Variants in JAKMIP2 observed in about 807,000 individuals in gnomAD.
JAKMIP2 encodes janus kinase and microtubule-interacting protein 2.
In JAKMIP2, 25 loss-of-function variants were observed where a neutral mutation model predicts 115.0. The observed-to-expected ratio is 0.22, with a 90% CI of 0.16 to 0.30. JAKMIP2 has a LOEUF of 0.30. Ranked by LOEUF, JAKMIP2 falls within the 10% of genes least tolerant of loss-of-function variation. The probability of loss-of-function intolerance (pLI) is 1.00; values close to 1 mark genes in which losing one functional copy is unlikely to be tolerated. For synonymous variants in JAKMIP2, 334 were observed against 343.6 expected, an observed-to-expected ratio of 0.97 and a Z score of 0.31; for missense variants, 642 against 957.6, an observed-to-expected ratio of 0.67 and a Z score of 4.35.
chr5:147,665,050 C>A (rs941410207), intron 2 of JAKMIP2, among the ~76,000 whole-genome samples: 6 of 152,114 alleles, frequency 3.9e-5, no homozygotes, highest in African/African-American at 1.4e-4. Context: ...CTTGGTGCTT[C>A]AATAAGGACA....
In JAKMIP2 at chr5:147,586,052, G is replaced by A. The variant is rs1754857342; in HGVS notation, c.*5655C>T. The A allele has an allele frequency of 6.6e-6, 1 of 151,854 alleles. No homozygotes were observed. Among genetic ancestry groups the A allele is most frequent in the South Asian group, 2.1e-4 (1 of 4,828 alleles). The allele number at this position is 151,854 out of a possible 1,614,324, so 9.4% of individuals were successfully genotyped here. A position where few individuals can be genotyped will look rare whatever the true frequency, so the allele number is the denominator to read the frequency against. On this transcript the variant is annotated 3_prime_UTR_variant, in exon 22 of 22. Coordinates refer to ENST00000616793, the MANE Select transcript of JAKMIP2 (RefSeq NM_001270941.2). ...TGGGCCTGGATAATTGAAAAACCGAGTGGTCTCTGCCTCAGTCAACAATTG... is the reference window on the plus strand; with the variant it reads ...TGGGCCTGGATAATTGAAAAACCGAATGGTCTCTGCCTCAGTCAACAATTG...
chr5:147,663,705 G>T (rs1013463778), intron 2 of JAKMIP2, among the ~76,000 whole-genome samples: 34 of 152,282 alleles, frequency 2.2e-4, no homozygotes, highest in African/African-American at 6.7e-4. Context: ...AGTATTTTGT[G>T]AACAGTTTAT....
chr5:147,600,666 G>A (rs1026312877), intron 21 of JAKMIP2, among the ~76,000 whole-genome samples: 7 of 151,968 alleles, frequency 4.6e-5, no homozygotes, highest in Non-Finnish European at 8.8e-5. Context: ...ATCACATAGC[G>A]TGCTTGTTAA....
At chr5:147,782,011 A>T (rs1755776713) in intron 1 of JAKMIP2, among the ~76,000 whole-genome samples, 1 of 152,202 alleles carries the variant, frequency 6.6e-6, no homozygotes, top group African/African-American at 2.4e-5. Flanking sequence ...GCAATCAATA[A>T]AATAAGCAAA....
chr5:147,671,699 C>T lies in JAKMIP2; in HGVS notation c.108G>A (p.Glu36=), dbSNP rs745785749. The T allele has an allele frequency of 1.3e-6, 2 of 1,549,100 alleles. No individual in the cohort carries two copies. Among genetic ancestry groups the T allele is most frequent in the Admixed American group, 1.9e-5 (1 of 52,960 alleles). Reference sequence around the variant, plus strand: ...TCACCTTGGACTTCTCTTGATGCAGCTCTATCTGAATGTCTGTGAGCTTGG... The same window carrying T: ...TCACCTTGGACTTCTCTTGATGCAGTTCTATCTGAATGTCTGTGAGCTTGG... The part of the protein sequence containing the change: ...LRTKLTDIQI[E]LHQEKSKVSK... Residue 36 remains glutamate (E), a synonymous_variant, in exon 2 of 22, where the codon GAG becomes GAA. Coordinates refer to ENST00000616793, the MANE Select transcript of JAKMIP2 (RefSeq NM_001270941.2).
rs368011267 is a variant in JAKMIP2, at chr5:147,721,498, G to C, written c.-148-49544C>G. 4.7e-3 allele frequency among the ~76,000 whole-genome samples: 709 copies of C among 152,206 alleles called. 14 individuals are homozygous for C. The highest frequency in any genetic ancestry group is 0.014 in the African/African-American group (599 of 41,538). On this transcript the variant is annotated intron_variant, in intron 1 of 21. Coordinates refer to ENST00000616793, the MANE Select transcript of JAKMIP2 (RefSeq NM_001270941.2). ...TCAGACTGCTGTGCTAGCAATCAGCGAGACTCCGTGGGCGTAGGACCCTCC... is the reference window on the plus strand; with the variant it reads ...TCAGACTGCTGTGCTAGCAATCAGCCAGACTCCGTGGGCGTAGGACCCTCC...
intron 1 of JAKMIP2, among the ~76,000 whole-genome samples, chr5:147,770,586 A>G (rs1455200530): frequency 6.6e-6 from 1 of 152,160 alleles, no homozygotes; most frequent in Admixed American, 6.6e-5. Flanking sequence ...ATAAGACCAC[A>G]GAAACTATAT....
At chr5:147,729,525 G>A (rs1473212411) in intron 1 of JAKMIP2, among the ~76,000 whole-genome samples, 1 of 152,088 alleles carries the variant, frequency 6.6e-6, no homozygotes, top group East Asian at 1.9e-4. Context: ...TGTAATCCCA[G>A]CATTTTGGGA....
chr5:147,626,455 C>T (rs1289503821), intron 16 of JAKMIP2, among the ~76,000 whole-genome samples: 1 of 152,172 alleles, frequency 6.6e-6, no homozygotes, highest in Non-Finnish European at 1.5e-5. Context: ...TGGTGCAAGA[C>T]GTAAGATCAT....
intron 12 of JAKMIP2, among the ~76,000 whole-genome samples, chr5:147,634,494 A>G (rs1340723986): frequency 6.6e-6 from 1 of 152,200 alleles, no homozygotes; most frequent in Non-Finnish European, 1.5e-5. Flanking sequence ...TTAACTTAAC[A>G]TTATAAAGGA....
chr5:147,711,145 A>G (rs1752763986), intron 1 of JAKMIP2, among the ~76,000 whole-genome samples: 1 of 152,184 alleles, frequency 6.6e-6, no homozygotes, highest in South Asian at 2.1e-4. Context: ...CTTAATGGCA[A>G]AAGCAAATAT....
At position 147,639,489 on chromosome 5, in the gene JAKMIP2, C is replaced by G. The variant is rs1757779227; in HGVS notation, c.1530+143G>C. The stretch of plus-strand genomic sequence containing the variant: ...TGTTTCTAGAGTCAAGGTTTGTTGA[C>G]ATAAAAGCTATAACAATTCAAAAGC... On this transcript the variant is annotated intron_variant, in intron 10 of 21. Transcript: ENST00000616793. 4 of 923,654 alleles carry G rather than the reference C, an allele frequency of 4.3e-6. No individual in the cohort carries two copies. In the South Asian group the frequency reaches 1.0e-4, roughly 23 times the overall value. The allele number at this position is 923,654 out of a possible 1,614,324, so 57.2% of individuals were successfully genotyped here.
intron 7 of JAKMIP2, among the ~76,000 whole-genome samples, chr5:147,643,701 T>C (rs537851858): frequency 1.3e-5 from 2 of 152,334 alleles, no homozygotes; most frequent in Non-Finnish European, 2.9e-5. Flanking sequence ...GTGATGTTGT[T>C]AGCATAGACA....
intron 1 of JAKMIP2, among the ~76,000 whole-genome samples, chr5:147,747,666 A>G (rs1176508635): frequency 6.6e-6 from 1 of 152,156 alleles, no homozygotes; most frequent in Non-Finnish European, 1.5e-5. Context: ...TCCACTCAGA[A>G]TCAGTAAGAA....
At chr5:147,623,042 C>T (rs1756923583) in intron 17 of JAKMIP2, among the ~76,000 whole-genome samples, 2 of 151,976 alleles carry the variant, frequency 1.3e-5, no homozygotes, top group Non-Finnish European at 2.9e-5. Flanking sequence ...TGCCTCAGCC[C>T]CCTGAGTAGC....
intron 21 of JAKMIP2, among the ~76,000 whole-genome samples, chr5:147,592,023 A>G (rs1755122246): frequency 6.6e-6 from 1 of 152,180 alleles, no homozygotes; most frequent in South Asian, 2.1e-4. Context: ...ATCATGCCCC[A>G]ACATATCCAT....
chr5:147,652,859 T>G (rs755298478), intron 3 of JAKMIP2, among the ~76,000 whole-genome samples: 18 of 152,050 alleles, frequency 1.2e-4, no homozygotes, highest in Non-Finnish European at 1.8e-4. Flanking sequence ...TCCCTCCCCT[T>G]GCCCCCACCA....
intron 21 of JAKMIP2, among the ~76,000 whole-genome samples, chr5:147,597,244 C>T (rs1011433068): frequency 2.6e-5 from 4 of 152,030 alleles, no homozygotes; most frequent in Admixed American, 1.3e-4. Flanking sequence ...CATTTGTTTT[C>T]CCCAGGCTAC....
intron 3 of JAKMIP2, among the ~76,000 whole-genome samples, chr5:147,656,617 G>C (rs1758690451): frequency 6.6e-6 from 1 of 152,176 alleles, no homozygotes; most frequent in Non-Finnish European, 1.5e-5. Context: ...ACAGCACGCT[G>C]ATGGGTCTTC....
Sources: gnomAD v4.1 joint callset for allele counts (sites outside exome capture counted in the v4.1 genomes callset) on GRCh38, gnomAD v4.1.1 for gene constraint, MANE v1.5 for transcripts, NCBI Gene and HGNC (gene_info 2026-07-23, HGNC 2026-07-21) for gene names.